Variants in GBP3 observed in about 807,000 individuals in gnomAD.
The protein encoded by GBP3 is guanylate-binding protein 3.
A neutral mutation model predicts 62.4 loss-of-function variants in GBP3; 55 were observed. The observed-to-expected ratio is 0.88, with a 90% CI of 0.71 to 1.10. The LOEUF is 1.10. Ranked by LOEUF, GBP3 falls within the 50% of genes least tolerant of loss-of-function variation. The pLI, the probability that GBP3 is intolerant of heterozygous loss-of-function variation, is 0.00. For missense variants in GBP3, 605 were observed against 690.6 expected, an observed-to-expected ratio of 0.88 and a Z score of 1.39; for synonymous variants, 208 against 259.2, an observed-to-expected ratio of 0.80 and a Z score of 1.90.
chr1:89,015,731 G>A lies in GBP3; in HGVS notation c.191-317C>T, dbSNP rs556250884. On this transcript the variant is annotated intron_variant, in intron 2 of 10. Coordinates refer to ENST00000370481, the MANE Select transcript of GBP3 (RefSeq NM_018284.3). ...TGCACTCCAGCCTGGGCAACAGAGC[G>A]AGACTCTTGTCTTAAAAAAAAAAAA... is the stretch of plus-strand genomic sequence containing the variant. Among the ~76,000 whole-genome samples the A allele has an allele frequency of 2.2e-4, 24 of 110,556 alleles. No homozygotes were observed. The East Asian group carries it at 5.0e-3, about 23-fold the overall frequency. 72.5% of individuals were successfully genotyped at this position (110,556 alleles called of 152,430 possible). A position where few individuals can be genotyped will look rare whatever the true frequency, so the allele number is the denominator to read the frequency against.
In GBP3 at chr1:89,011,366, A is replaced by T. The variant is rs1251003851; in HGVS notation, c.1150-250T>A. ...TTAGAGGAAAGCTCTGCTTTTGCAT[A>T]TTGGACTAATGATTTCATATGGAAT... On this transcript the variant is annotated intron_variant, in intron 7 of 10. Transcript: ENST00000370481. 1.1e-4 allele frequency among the ~76,000 whole-genome samples: 16 copies of T among 139,470 alleles called. 2 individuals carry two copies. In the Admixed American group the frequency reaches 1.2e-3, roughly 10 times the overall value. The allele number at this position is 139,470 out of a possible 152,430, so 91.5% of individuals were successfully genotyped here.
At chr1:89,013,038 A>T in intron 6 of GBP3, 147 bp downstream of exon 6, 6 of 772,768 alleles carry the variant, frequency 7.8e-6, no homozygotes, top group Non-Finnish European at 1.3e-5. Context: ...TGGTTTTGCC[A>T]TGTGGGCTAG....
chr1:89,011,234 A>T (rs189032602), intron 7 of GBP3, 118 bp from the exon 8 acceptor site: 1 of 1,267,200 alleles, frequency 7.9e-7, no homozygotes, highest in African/African-American at 1.4e-5. Context: ...AAACTGACAG[A>T]CTCCTCAGCA....
chr1:89,018,332 T>C (rs1678999090), intron 2 of GBP3, among the ~76,000 whole-genome samples: 1 of 152,128 alleles, frequency 6.6e-6, no homozygotes, highest in African/African-American at 2.4e-5. Flanking sequence ...CAGATGTTCA[T>C]AGCTCTGGGA....
At chr1:89,020,143 G>A (rs1402232554) in intron 2 of GBP3, 1 of 386,694 alleles carries the variant, frequency 2.6e-6, no homozygotes, top group South Asian at 2.0e-5. Context: ...GGAGGCTGAG[G>A]TGAGAGGATT....
chr1:89,013,795 C>G, intron 5 of GBP3: 1 of 418,766 alleles, frequency 2.4e-6, no homozygotes, highest in Non-Finnish European at 4.2e-6. Context: ...TAAAATTTAC[C>G]TAAATTGTAA....
chr1:89,015,539 G>A (rs957166791), intron 2 of GBP3, 125 bp from the exon 3 acceptor site: 53 of 737,980 alleles, frequency 7.2e-5, no homozygotes, highest in African/African-American at 6.0e-4. Context: ...CAGTACTTAC[G>A]TTACTTATAA....
intron 1 of GBP3, among the ~76,000 whole-genome samples, chr1:89,021,505 C>CGCGT (rs1407123143): frequency 1.1e-5 from 1 of 90,212 alleles, no homozygotes; most frequent in Non-Finnish European, 2.5e-5. Flanking sequence ...CGCATGCGCG[C>CGCGT]GCGCGCACAC....
chr1:89,018,821 G>A (rs1012149659), intron 2 of GBP3, among the ~76,000 whole-genome samples: 8 of 152,030 alleles, frequency 5.3e-5, no homozygotes, highest in African/African-American at 1.9e-4. Context: ...GCAGCACCAC[G>A]GGACCAGAAG....
Position 89,009,456 on chromosome 1 carries a change from C to A in GBP3, c.1401G>T (p.Glu467Asp). 1 of 1,614,206 alleles carries A rather than the reference C, an allele frequency of 6.2e-7. No individual in the cohort carries two copies. The highest frequency in any genetic ancestry group is 1.1e-5 in the South Asian group (1 of 91,088). The change falls in exon 9 of 11, where the codon GAG becomes GAT. Residue 467 changes from glutamate to aspartate, a missense_variant. By Grantham distance (45) the Glu-to-Asp change is conservative. Coordinates refer to ENST00000370481, the MANE Select transcript of GBP3 (RefSeq NM_018284.3). ...EILQTYLKSKESVTDAILQTD... is the reference protein window; with the variant it reads ...EILQTYLKSKDSVTDAILQTD... ...TCTGTAGAATTGCATCGGTCACAGA[C>A]TCCTTGGATTTCAAGTATGTCTGCA...
intron 2 of GBP3, among the ~76,000 whole-genome samples, chr1:89,017,042 C>T (rs565769899): frequency 6.6e-6 from 1 of 152,170 alleles, no homozygotes; most frequent in African/African-American, 2.4e-5. Flanking sequence ...AAGAGATCCC[C>T]AAATTGTCAA....
In GBP3 at chr1:89,013,936, AT is replaced by A. The variant is rs1678729840; in HGVS notation, c.625+146del. 3 of 817,320 alleles carry A rather than the reference AT, an allele frequency of 3.7e-6. No individual in the cohort carries two copies. The East Asian group carries it at 8.0e-5, about 22-fold the overall frequency. 50.6% of individuals were successfully genotyped at this position (817,320 alleles called of 1,614,324 possible). A position where few individuals can be genotyped will look rare whatever the true frequency, so the allele number is the denominator to read the frequency against. ...TTCCTTTTTTCAAAAAACCTTTTCTATTGCTAATAGCAAGCATTAATTCTTA... is the reference window on the plus strand; with the variant it reads ...TTCCTTTTTTCAAAAAACCTTTTCTATGCTAATAGCAAGCATTAATTCTTA... On this transcript the variant is annotated intron_variant, in intron 5 of 10. Transcript: ENST00000370481.
chr1:89,017,716 T>G (rs1678961132), intron 2 of GBP3, among the ~76,000 whole-genome samples: 1 of 152,168 alleles, frequency 6.6e-6, no homozygotes, highest in African/African-American at 2.4e-5. Context: ...TTACTAGTCA[T>G]TAGGAAAATG....
At position 89,007,671 on chromosome 1, in the gene GBP3, C is replaced by T; in HGVS notation, c.*53G>A. The T allele has an allele frequency of 6.5e-7, 1 of 1,541,202 alleles. No homozygotes were observed. Among genetic ancestry groups the T allele is most frequent in the Admixed American group, 2.0e-5 (1 of 50,500 alleles). ...AATATAGTGACACTTGTTCCAAATT[C>T]TAAAATTGTTTCAGTTATGCCTTGG... is the stretch of plus-strand genomic sequence containing the variant. On this transcript the variant is annotated 3_prime_UTR_variant, in exon 11 of 11. Coordinates refer to ENST00000370481, the MANE Select transcript of GBP3 (RefSeq NM_018284.3).
At chr1:89,016,845 G>A (rs573248114) in intron 2 of GBP3, among the ~76,000 whole-genome samples, 8 of 152,190 alleles carry the variant, frequency 5.3e-5, no homozygotes, top group Non-Finnish European at 1.0e-4. Flanking sequence ...AAAGTGCTGG[G>A]ATTACAGGTG....
chr1:89,010,832 A>G (rs1315633695), intron 8 of GBP3, 72 bp downstream of exon 8: 1 of 1,452,886 alleles, frequency 6.9e-7, no homozygotes, highest in Non-Finnish European at 9.5e-7. Context: ...TGTGCAGTGA[A>G]GCTTGGTCAC....
chr1:89,021,788 T>TGAGAGAGAGAGA (rs146229731), intron 1 of GBP3, among the ~76,000 whole-genome samples: 1,090 of 65,298 alleles, frequency 0.017, 105 homozygotes, highest in South Asian at 0.032. Flanking sequence ...GCTGGAAAGA[T>TGAGAGAGAGAGA]GAGAGAGAGA....
At chr1:89,012,212 T>C (rs1216540272) in intron 6 of GBP3, among the ~76,000 whole-genome samples, 185 bp from the exon 7 acceptor site, 1 of 139,128 alleles carries the variant, frequency 7.2e-6, no homozygotes, top group African/African-American at 2.5e-5. Context: ...TAGAGTTTTT[T>C]CTTTGGGTAA....
Position 89,011,116 on chromosome 1 carries a change from C to A in GBP3, c.1150G>T (p.Ala384Ser). Reference sequence around the variant, plus strand: ...TCATCCCGCTTTTTGTCTAGCTGGGCCTTTAATGTAAAAATAGGAAGTAAA... The same window carrying A: ...TCATCCCGCTTTTTGTCTAGCTGGGACTTTAATGTAAAAATAGGAAGTAAA... Reference protein sequence around the residue: ...VDHLFQKKLAAQLDKKRDDFC... With the variant: ...VDHLFQKKLASQLDKKRDDFC... Residue 384 changes from alanine to serine, a missense_variant and splice_region_variant, in exon 8 of 11, where the codon GCC (alanine) becomes TCC (serine). Ala to Ser is a moderately conservative substitution (Grantham distance 99). This residue lies in a region of GBP3 where 137 missense variants were observed against 224.7 expected (regional missense o/e 0.61). Coordinates refer to ENST00000370481, the MANE Select transcript of GBP3 (RefSeq NM_018284.3). 6.8e-7 allele frequency: 1 copy of A among 1,461,494 alleles called. No homozygotes were observed. The highest frequency in any genetic ancestry group is 2.3e-5 in the East Asian group (1 of 43,234). 90.5% of individuals were successfully genotyped at this position (1,461,494 alleles called of 1,614,324 possible).
Sources: allele counts gnomAD v4.1 joint callset (sites outside exome capture counted in the v4.1 genomes callset), GRCh38; gene constraint gnomAD v4.1.1; regional missense constraint gnomAD v4.1.1; transcripts MANE v1.5; gene names NCBI Gene and HGNC (gene_info 2026-07-23, HGNC 2026-07-21).